GRB14: variants seen among roughly 807,000 people sequenced by gnomAD.
The protein encoded by GRB14 is growth factor receptor-bound protein 14.
In GRB14, 38 loss-of-function variants were observed where a neutral mutation model predicts 69.1. The observed-to-expected ratio is 0.55, with a 90% CI of 0.42 to 0.72. The LOEUF is 0.72. Ranked by LOEUF, GRB14 falls within the 30% of genes least tolerant of loss-of-function variation. The pLI is 0.00. For missense variants in GRB14, 666 were observed against 666.1 expected (o/e 1.00, Z 0.00); for synonymous variants, 247 against 241.3 (o/e 1.02, Z -0.22).
chr2:164,533,275 C>T lies in GRB14; in HGVS notation c.482-6140G>A, dbSNP rs1472952881. The stretch of plus-strand genomic sequence containing the variant: ...TGAGATGGAGTCTTGCTCTGTCGCC[C>T]ATGGTGGAGTGCAGTGGCGCAATCT... On this transcript the variant is annotated intron_variant, in intron 3 of 13. Transcript: ENST00000263915. Among the ~76,000 whole-genome samples the T allele has an allele frequency of 2.2e-5, 3 of 137,110 alleles. No homozygotes were observed. In the Admixed American group the frequency reaches 2.3e-4, roughly 10 times the overall value. 89.9% of individuals were successfully genotyped at this position (137,110 alleles called of 152,430 possible).
intron 2 of GRB14, among the ~76,000 whole-genome samples, chr2:164,592,973 G>A (rs890858422): frequency 6.6e-6 from 1 of 152,120 alleles, no homozygotes; most frequent in Non-Finnish European, 1.5e-5. Context: ...GTAGTTGCAA[G>A]TGTGCAAAAA....
At chr2:164,538,262 T>C (rs896499617) in intron 3 of GRB14, among the ~76,000 whole-genome samples, 2 of 152,180 alleles carry the variant, frequency 1.3e-5, no homozygotes, top group African/African-American at 4.8e-5. Flanking sequence ...TCTGTAGGTA[T>C]GCGCTTGAGG....
chr2:164,500,168 T>A (rs571743531), intron 9 of GRB14, among the ~76,000 whole-genome samples: 23 of 152,196 alleles, frequency 1.5e-4, no homozygotes, highest in African/African-American at 5.1e-4. Context: ...CAGGGCAATA[T>A]TGATAAATGC....
chr2:164,506,624 G>A (rs958628224), intron 8 of GRB14, among the ~76,000 whole-genome samples: 3 of 152,036 alleles, frequency 2.0e-5, no homozygotes, highest in East Asian at 1.9e-4. Flanking sequence ...CCCCAAAATC[G>A]AAAACCTGTA....
intron 2 of GRB14, among the ~76,000 whole-genome samples, chr2:164,571,951 C>T (rs754268151): frequency 4.6e-5 from 7 of 152,296 alleles, no homozygotes; most frequent in East Asian, 1.9e-4. Flanking sequence ...TTGTTCCTGA[C>T]GTACCCAAGC....
At position 164,547,815 on chromosome 2, in the gene GRB14, A is replaced by G; in HGVS notation, c.326T>C (p.Val109Ala). ...FPKANSRKKQ[V>A]IKVYSEDETS... Reference sequence around the variant, plus strand: ...TTCATCTTCACTGTATACTTTAATCACCTGTGTAGGTAGAAACAAGAAAAA... The same window carrying G: ...TTCATCTTCACTGTATACTTTAATCGCCTGTGTAGGTAGAAACAAGAAAAA... Residue 109 changes from valine (V) to alanine (A), a missense_variant and splice_region_variant, in exon 3 of 14, where the codon GTG becomes GCG. Transcript: ENST00000263915. 6.2e-7 allele frequency: 1 copy of G among 1,602,746 alleles called. No individual in the cohort carries two copies. Among genetic ancestry groups the G allele is most frequent in the South Asian group, 1.1e-5 (1 of 88,450 alleles).
chr2:164,560,420 T>G (rs1413464460), intron 2 of GRB14, among the ~76,000 whole-genome samples: 1 of 152,264 alleles, frequency 6.6e-6, no homozygotes, highest in Admixed American at 6.5e-5. Flanking sequence ...TTTGTGCAAA[T>G]AGAGAAAATA....
intron 2 of GRB14, among the ~76,000 whole-genome samples, chr2:164,556,083 T>C (rs534935952): frequency 3.0e-4 from 46 of 152,270 alleles, no homozygotes; most frequent in African/African-American, 1.1e-3. Context: ...TTAGATATCT[T>C]GAATTAAGCA....
At chr2:164,503,221 T>G (rs969284588) in intron 8 of GRB14, among the ~76,000 whole-genome samples, 7 of 150,848 alleles carry the variant, frequency 4.6e-5, no homozygotes, top group African/African-American at 1.7e-4. Context: ...ATAAACAGCC[T>G]TTTTTCCCCT....
chr2:164,537,041 G>A (rs1027765113), intron 3 of GRB14, among the ~76,000 whole-genome samples: 47 of 152,202 alleles, frequency 3.1e-4, no homozygotes, highest in Admixed American at 2.9e-3. Flanking sequence ...CCCTGGAGCA[G>A]CAGCAGCAGT....
chr2:164,554,477 G>C (rs539816656), intron 2 of GRB14, among the ~76,000 whole-genome samples: 1 of 152,204 alleles, frequency 6.6e-6, no homozygotes, highest in Non-Finnish European at 1.5e-5. Context: ...AAGTTGACTA[G>C]CAAAAGAAAC....
rs1687072627 is a variant in GRB14 at position 164,502,182 on chromosome 2, G to A, written c.1104+73C>T. ...ATAACATAAATTATTATAAGATACT[G>A]TTATGTAGTGTAATTTAAATTAATA... On this transcript the variant is annotated intron_variant, in intron 9 of 13. Coordinates refer to ENST00000263915, the MANE Select transcript of GRB14 (RefSeq NM_004490.3). The A allele has an allele frequency of 1.7e-5, 13 of 763,560 alleles. No individual in the cohort carries two copies. In the Admixed American group the frequency reaches 2.3e-4, roughly 13 times the overall value. The allele number at this position is 763,560 out of a possible 1,614,324, so 47.3% of individuals were successfully genotyped here.
intron 2 of GRB14, among the ~76,000 whole-genome samples, chr2:164,599,094 C>T (rs1689856410): frequency 6.6e-6 from 1 of 152,156 alleles, no homozygotes; most frequent in African/African-American, 2.4e-5. Flanking sequence ...CTTGCTTTAC[C>T]ATCGTGTCTA....
intron 7 of GRB14, 50 bp from the exon 8 acceptor site, chr2:164,508,600 A>G (rs1419454088): frequency 6.5e-7 from 1 of 1,537,128 alleles, no homozygotes; most frequent in Non-Finnish European, 9.0e-7. Flanking sequence ...CTTGAAGGTA[A>G]CACCTGTTGA....
intron 2 of GRB14, among the ~76,000 whole-genome samples, chr2:164,616,842 C>T (rs190968500): frequency 6.6e-6 from 1 of 152,284 alleles, no homozygotes; most frequent in East Asian, 1.9e-4. Context: ...AAAGAGACAT[C>T]TTCTCCTATA....
chr2:164,547,782 CT>C lies in GRB14; in HGVS notation c.358del (p.Arg120GlyfsTer3). 1 of 1,613,494 alleles carries C rather than the reference CT, an allele frequency of 6.2e-7. No individual in the cohort carries two copies. The highest frequency in any genetic ancestry group is 8.5e-7 in the Non-Finnish European group (1 of 1,179,604). ...TATGTCACTGGGTACATCTAAAGCC[CT>C]GCTGGTTTCATCTTCACTGTATACT... is the stretch of plus-strand genomic sequence containing the variant. ...IKVYSEDETSRALDVPSDITA... is the reference protein window; with the variant it reads ...IKVYSEDETSXALDVPSDITA... On this transcript the variant is annotated frameshift_variant, in exon 3 of 14. Coordinates refer to ENST00000263915, the MANE Select transcript of GRB14 (RefSeq NM_004490.3). LOFTEE classifies it high-confidence loss of function.
intron 3 of GRB14, among the ~76,000 whole-genome samples, chr2:164,543,949 A>T (rs1486735521): frequency 4.6e-5 from 7 of 152,234 alleles, no homozygotes; most frequent in Non-Finnish European, 2.9e-5. Flanking sequence ...GGAAGCTATT[A>T]AATCTAATAC....
rs193026496 is a variant in GRB14 at position 164,492,590 on chromosome 2, A to G, written c.*446T>C. Among the ~76,000 whole-genome samples the G allele has an allele frequency of 1.2e-4, 17 of 145,790 alleles. No homozygotes were observed. The East Asian group carries it at 3.4e-3, about 29-fold the overall frequency. ...TTAGTTTCATTAACAGGTTGTGGAT[A>G]GTTTCTTTTAATTGATAAGTTATTA... On this transcript the variant is annotated 3_prime_UTR_variant, in exon 14 of 14. Coordinates refer to ENST00000263915, the MANE Select transcript of GRB14 (RefSeq NM_004490.3).
chr2:164,591,816 T>C (rs1348326619), intron 2 of GRB14, among the ~76,000 whole-genome samples: 1 of 152,140 alleles, frequency 6.6e-6, no homozygotes, highest in African/African-American at 2.4e-5. Context: ...TTTTGCATTG[T>C]CCCCACCCAA....
Sources: allele counts gnomAD v4.1 joint callset (sites outside exome capture counted in the v4.1 genomes callset), GRCh38; gene constraint gnomAD v4.1.1; transcripts MANE v1.5; gene names NCBI Gene and HGNC (gene_info 2026-07-23, HGNC 2026-07-21).